CGGBP1: variants seen among roughly 807,000 people sequenced by gnomAD.
CGGBP1 encodes CGG triplet repeat binding protein 1, also known as CGG triplet repeat-binding protein 1.
Under a neutral mutation model 11.4 loss-of-function variants are expected in CGGBP1, and 4 were observed. The observed-to-expected ratio is 0.35, with a 90% confidence interval of 0.17 to 0.80. The LOEUF (loss-of-function observed/expected upper bound fraction) is 0.80. Among genes scored for constraint, CGGBP1 ranks in the 30% least tolerant of loss-of-function variants. The pLI is 0.52. For synonymous variants in CGGBP1, 76 were observed against 74.1 expected, an observed-to-expected ratio of 1.03 and a Z score of -0.13; for missense variants, 135 against 202.1, an observed-to-expected ratio of 0.67 and a Z score of 2.01.
In CGGBP1 at chr3:88,123,011, C is replaced by CA. The variant is rs1289535548; in HGVS notation, c.-229+17958dup. ...GGCGACAGAGTGAGGCTCTGAGTCT[C>CA]AAAAAAAAAAAAAAAGTAAAAAGAA... On this transcript the variant is annotated intron_variant, in intron 2 of 3. Transcript: ENST00000462901. 7.6e-3 allele frequency among the ~76,000 whole-genome samples: 575 copies of CA among 75,664 alleles called. 2 individuals are homozygous for CA. Among genetic ancestry groups the CA allele is most frequent in the East Asian group, 0.034 (94 of 2,780 alleles). 49.6% of individuals were successfully genotyped at this position (75,664 alleles called of 152,430 possible). A position where few individuals can be genotyped will look rare whatever the true frequency, so the allele number is the denominator to read the frequency against.
At chr3:88,083,688 G>C (rs1391485977) in intron 2 of CGGBP1, among the ~76,000 whole-genome samples, 3 of 151,222 alleles carry the variant, frequency 2.0e-5, no homozygotes, top group Non-Finnish European at 4.4e-5. Context: ...TAAAAGTTTA[G>C]AACTGTAGTA....
At chr3:88,112,623 A>G (rs1705160343) in intron 2 of CGGBP1, among the ~76,000 whole-genome samples, 2 of 152,160 alleles carry the variant, frequency 1.3e-5, no homozygotes, top group Admixed American at 1.3e-4. Flanking sequence ...GGTTGTTAGT[A>G]TATGCTATAA....
intron 2 of CGGBP1, among the ~76,000 whole-genome samples, chr3:88,103,863 G>T (rs4407422): frequency 0.78 from 117,890 of 150,264 alleles, 47,143 homozygotes; most frequent in South Asian, 0.91. Context: ...GCCTCTCGGG[G>T]TCAAGCGATT....
At chr3:88,115,864 A>G (rs1332484238) in intron 2 of CGGBP1, among the ~76,000 whole-genome samples, 1 of 152,190 alleles carries the variant, frequency 6.6e-6, no homozygotes, top group East Asian at 1.9e-4. Context: ...ATAATGTAAA[A>G]TGAGGGAAAA....
At chr3:88,079,368 A>C (rs1707968122) in intron 2 of CGGBP1, among the ~76,000 whole-genome samples, 1 of 152,116 alleles carries the variant, frequency 6.6e-6, no homozygotes, top group Admixed American at 6.5e-5. Context: ...GCAGATATTT[A>C]ATCTAGGAAG....
At chr3:88,089,126 A>T (rs1330594806) in intron 2 of CGGBP1, among the ~76,000 whole-genome samples, 1 of 149,896 alleles carries the variant, frequency 6.7e-6, no homozygotes, top group African/African-American at 2.5e-5. Context: ...CGGAAGGAAT[A>T]TGTGAATTTA....
chr3:88,081,384 G>A (rs1234477266), intron 2 of CGGBP1, among the ~76,000 whole-genome samples: 1 of 152,076 alleles, frequency 6.6e-6, no homozygotes, highest in Non-Finnish European at 1.5e-5. Context: ...CCTTGAGACT[G>A]CAAATCCTGC....
chr3:88,122,943 G>A (rs192999127), intron 2 of CGGBP1, among the ~76,000 whole-genome samples: 5 of 151,174 alleles, frequency 3.3e-5, no homozygotes, highest in Admixed American at 2.0e-4. Flanking sequence ...CTGGGAGGCC[G>A]AGGTTGCAGT....
At chr3:88,145,224 C>CA (rs951448763) in intron 1 of CGGBP1, among the ~76,000 whole-genome samples, 1 of 151,962 alleles carries the variant, frequency 6.6e-6, no homozygotes, top group Non-Finnish European at 1.5e-5. Flanking sequence ...CGTTCACTAA[C>CA]AAAGGAAAAC....
At chr3:88,129,119 C>A in intron 2 of CGGBP1, 1 of 761,744 alleles carries the variant, frequency 1.3e-6, no homozygotes. Flanking sequence ...ACAGTAATGC[C>A]AAAGATTTAA....
At chr3:88,062,878 G>A (rs553712807), upstream of CGGBP1, among the ~76,000 whole-genome samples, 6 of 152,246 alleles carry the variant, frequency 3.9e-5, no homozygotes, top group Middle Eastern at 3.4e-3. Flanking sequence ...TATTTCTCTC[G>A]TAAAATCCTC....
upstream of CGGBP1, among the ~76,000 whole-genome samples, chr3:88,059,921 C>A (rs1207653442): frequency 6.6e-6 from 1 of 152,098 alleles, no homozygotes; most frequent in Admixed American, 6.5e-5. Flanking sequence ...CGATTGCCCC[C>A]CGTGTTCTCC....
chr3:88,090,855 T>C (rs1287411257), intron 2 of CGGBP1, among the ~76,000 whole-genome samples: 2 of 152,160 alleles, frequency 1.3e-5, no homozygotes, highest in Non-Finnish European at 2.9e-5. Flanking sequence ...CGACATCTGA[T>C]AAGCTAAGAA....
chr3:88,110,617 CAT>C (rs1705031470), intron 2 of CGGBP1, among the ~76,000 whole-genome samples: 1 of 152,088 alleles, frequency 6.6e-6, no homozygotes, highest in Non-Finnish European at 1.5e-5. Flanking sequence ...GACTGTTACT[CAT>C]ATTTTGGGCT....
intron 2 of CGGBP1, among the ~76,000 whole-genome samples, chr3:88,098,865 C>T (rs1559708960): frequency 6.6e-6 from 1 of 152,026 alleles, no homozygotes; most frequent in Non-Finnish European, 1.5e-5. Context: ...TATGACAAAC[C>T]CACAGCCAGT....
chr3:88,102,817 C>CTTTTT lies in CGGBP1; in HGVS notation c.-229+38148_-229+38152dup, dbSNP rs10701359. Among the ~76,000 whole-genome samples the CTTTTT allele has an allele frequency of 1.7e-3, 182 of 106,498 alleles. 3 individuals are homozygous for CTTTTT. Among genetic ancestry groups the CTTTTT allele is most frequent in the South Asian group, 1.8e-3 (5 of 2,774 alleles). 69.9% of individuals were successfully genotyped at this position (106,498 alleles called of 152,430 possible). On this transcript the variant is annotated intron_variant, in intron 2 of 3. Coordinates refer to the CGGBP1 transcript ENST00000462901. The stretch of plus-strand genomic sequence containing the variant: ...TGCTGTTTACCTCAACCTCTACTGT[C>CTTTTT]TTTTTTTTTTTTTTTTTTTTTAATA...
At chr3:88,059,132 T>C (rs1706678996), upstream of CGGBP1, 2 of 1,118,744 alleles carry the variant, frequency 1.8e-6, no homozygotes, top group Non-Finnish European at 2.5e-6. Flanking sequence ...GATTGGCAGC[T>C]TGCGTCTTCC....
chr3:88,137,102 G>A (rs1706834970), intron 2 of CGGBP1, among the ~76,000 whole-genome samples: 1 of 150,088 alleles, frequency 6.7e-6, no homozygotes, highest in Non-Finnish European at 1.5e-5. Context: ...GGCTGAGGCA[G>A]GAGAATTGCT....
chr3:88,104,504 AT>A (rs1704617942), intron 2 of CGGBP1, among the ~76,000 whole-genome samples: 1 of 152,246 alleles, frequency 6.6e-6, no homozygotes, highest in Non-Finnish European at 1.5e-5. Flanking sequence ...TGGGCCATAT[AT>A]TCCAGATGCC....
Sources: gnomAD v4.1 joint callset for allele counts (sites outside exome capture counted in the v4.1 genomes callset) on GRCh38, gnomAD v4.1.1 for gene constraint, MANE v1.5 for transcripts, NCBI Gene and HGNC (gene_info 2026-07-23, HGNC 2026-07-21) for gene names.